CCDC170: variants seen among roughly 807,000 people sequenced by gnomAD.
CCDC170 encodes the protein coiled-coil domain containing 170, also known as coiled-coil domain-containing protein 170.
A neutral mutation model predicts 72.6 loss-of-function variants in CCDC170; 69 were observed. The ratio of observed to expected loss-of-function variants is 0.95; its 90% CI spans 0.78 to 1.16. CCDC170 has a LOEUF of 1.16. Ranked by LOEUF, CCDC170 falls within the 50% of genes most tolerant of loss-of-function variation. CCDC170 has a pLI of 0.00. For missense variants in CCDC170, 852 were observed against 832.5 expected, an observed-to-expected ratio of 1.02 and a Z score of -0.29; for synonymous variants, 300 against 303.9, an observed-to-expected ratio of 0.99 and a Z score of 0.13.
intron 5 of CCDC170, among the ~76,000 whole-genome samples, chr6:151,553,078 C>T (rs74785592): frequency 0.051 from 7,814 of 152,182 alleles, 297 homozygotes; most frequent in East Asian, 0.21. Flanking sequence ...TGAGCCACTG[C>T]GCCTGGCCTA....
At chr6:151,582,986 C>CTTTTTTTTTTTTT in intron 6 of CCDC170, among the ~76,000 whole-genome samples, 1 of 94,234 alleles carries the variant, frequency 1.1e-5, no homozygotes, top group Non-Finnish European at 1.9e-5. Context: ...TGGAGTAGCA[C>CTTTTTTTTTTTTT]TTTTTTTTTT....
chr6:151,501,977 T>C (rs916197102), intron 1 of CCDC170, among the ~76,000 whole-genome samples: 3 of 152,384 alleles, frequency 2.0e-5, no homozygotes, highest in Non-Finnish European at 4.4e-5. Flanking sequence ...GGTGCTTTGG[T>C]GGCTTTGATC....
chr6:151,525,052 C>G (rs1372885866), intron 1 of CCDC170, among the ~76,000 whole-genome samples: 1 of 151,470 alleles, frequency 6.6e-6, no homozygotes, highest in Non-Finnish European at 1.5e-5. Context: ...CCTGCTTCAG[C>G]CTCCCTAGTG....
chr6:151,546,402 G>A (rs928044161), intron 4 of CCDC170, among the ~76,000 whole-genome samples: 2 of 152,054 alleles, frequency 1.3e-5, no homozygotes, highest in African/African-American at 2.4e-5. Flanking sequence ...TTTCTCTATC[G>A]GACACAATCT....
rs140601709 is a variant in CCDC170 at position 151,520,365 on chromosome 6, C to T, written c.58-15953C>T. 8.3e-3 allele frequency among the ~76,000 whole-genome samples: 1,261 copies of T among 152,320 alleles called. 9 individuals are homozygous for T. Among genetic ancestry groups the T allele is most frequent in the Middle Eastern group, 0.027 (8 of 294 alleles). ...ACCCTGGGCAGACAAATAATGAAACCGCCTTTGCGAAATTATGACTGAGAC... is the reference window on the plus strand; with the variant it reads ...ACCCTGGGCAGACAAATAATGAAACTGCCTTTGCGAAATTATGACTGAGAC... On this transcript the variant is annotated intron_variant, in intron 1 of 10. Transcript: ENST00000239374.
intron 6 of CCDC170, among the ~76,000 whole-genome samples, chr6:151,575,817 C>T (rs535598427): frequency 1.3e-5 from 2 of 152,128 alleles, no homozygotes; most frequent in Admixed American, 6.5e-5. Flanking sequence ...CGTGAGCCAC[C>T]GTGCCCGGCT....
At chr6:151,533,527 C>T (rs1235908852) in intron 1 of CCDC170, among the ~76,000 whole-genome samples, 2 of 151,842 alleles carry the variant, frequency 1.3e-5, no homozygotes, top group African/African-American at 2.4e-5. Context: ...ATTAGCAGGG[C>T]GTGGTGGCAC....
chr6:151,576,878 G>GT (rs1562288040), intron 6 of CCDC170, among the ~76,000 whole-genome samples: 1 of 152,208 alleles, frequency 6.6e-6, no homozygotes, highest in East Asian at 1.9e-4. Flanking sequence ...TAATTCTGAT[G>GT]TGAAGGCTCC....
At chr6:151,588,187 C>T (rs1046300461) in intron 7 of CCDC170, among the ~76,000 whole-genome samples, 3 of 152,244 alleles carry the variant, frequency 2.0e-5, no homozygotes, top group East Asian at 1.9e-4. Flanking sequence ...AAGTCAGACT[C>T]GCTTAGAGGG....
chr6:151,500,690 T>C (rs564038586), intron 1 of CCDC170, among the ~76,000 whole-genome samples: 6 of 152,074 alleles, frequency 3.9e-5, no homozygotes, highest in South Asian at 2.1e-4. Flanking sequence ...GTAAAGAGAG[T>C]CACTAAATAA....
intron 1 of CCDC170, among the ~76,000 whole-genome samples, chr6:151,532,856 A>T (rs1252219602): frequency 2.0e-5 from 3 of 152,118 alleles, no homozygotes; most frequent in African/African-American, 7.2e-5. Context: ...CAGATACAAA[A>T]TATATTAATG....
At chr6:151,583,263 G>T (rs1394998203) in intron 6 of CCDC170, among the ~76,000 whole-genome samples, 1 of 151,702 alleles carries the variant, frequency 6.6e-6, no homozygotes, top group Non-Finnish European at 1.5e-5. Context: ...AAAGTGCTGG[G>T]ATTACAGGCG....
intron 1 of CCDC170, among the ~76,000 whole-genome samples, chr6:151,519,040 T>A (rs1299992365): frequency 6.6e-6 from 1 of 152,136 alleles, no homozygotes; most frequent in South Asian, 2.1e-4. Flanking sequence ...TTAATAAGCA[T>A]CTTAAACAAC....
At chr6:151,504,833 C>A (rs746130801) in intron 1 of CCDC170, among the ~76,000 whole-genome samples, 1 of 150,944 alleles carries the variant, frequency 6.6e-6, no homozygotes, top group Non-Finnish European at 1.5e-5. Flanking sequence ...TGAAGTAAAC[C>A]GGTGAGAATG....
intron 6 of CCDC170, among the ~76,000 whole-genome samples, chr6:151,584,821 C>T (rs1489113574): frequency 4.6e-5 from 7 of 152,062 alleles, no homozygotes; most frequent in East Asian, 3.9e-4. Context: ...AGGCAGATTA[C>T]GTGTTTAAGC....
chr6:151,600,947 TA>T (rs1409944672), intron 9 of CCDC170, among the ~76,000 whole-genome samples: 1 of 152,208 alleles, frequency 6.6e-6, no homozygotes, highest in African/African-American at 2.4e-5. Flanking sequence ...TCTGTCTTTA[TA>T]AATTTGTCCA....
At chr6:151,519,148 G>C (rs958861013) in intron 1 of CCDC170, among the ~76,000 whole-genome samples, 2 of 152,114 alleles carry the variant, frequency 1.3e-5, no homozygotes, top group African/African-American at 4.8e-5. Context: ...TACTGCAAGA[G>C]ACCAGGGTGT....
intron 1 of CCDC170, among the ~76,000 whole-genome samples, chr6:151,514,259 C>T (rs1782195794): frequency 6.6e-6 from 1 of 150,496 alleles, no homozygotes; most frequent in South Asian, 2.1e-4. Context: ...CGTGATCATG[C>T]CACTGCACTC....
chr6:151,578,724 A>G (rs978707777), intron 6 of CCDC170, among the ~76,000 whole-genome samples: 5 of 152,218 alleles, frequency 3.3e-5, no homozygotes, highest in Non-Finnish European at 7.3e-5. Flanking sequence ...AAGCCGACAG[A>G]AGGGAAGGAG....
Sources: allele counts gnomAD v4.1 joint callset (sites outside exome capture counted in the v4.1 genomes callset), GRCh38; gene constraint gnomAD v4.1.1; transcripts MANE v1.5; gene names NCBI Gene and HGNC (gene_info 2026-07-23, HGNC 2026-07-21).